Variants in CLNK observed in about 807,000 individuals in gnomAD.
CLNK encodes the protein cytokine-dependent hematopoietic cell linker.
Under a neutral mutation model 68.6 loss-of-function variants are expected in CLNK, and 74 were observed. That is an observed-to-expected ratio of 1.08 (90% confidence interval 0.89 to 1.31). The LOEUF is 1.31. CLNK is among the 50% of genes most tolerant of loss of function. The pLI is 0.00. For synonymous variants in CLNK, 198 were observed against 172.2 expected (o/e 1.15, Z -1.17); for missense variants, 553 against 515.3 (o/e 1.07, Z -0.71).
At chr4:10,703,010 A>G in the CLNK span, among the ~76,000 whole-genome samples, 1 of 152,144 alleles carries the variant, frequency 6.6e-6, no homozygotes, top group Non-Finnish European at 1.5e-5. Context: ...ATGTCATATG[A>G]GGTGCGTTTC....
intron 3 of CLNK, among the ~76,000 whole-genome samples, chr4:10,589,878 G>A (rs1721121718): frequency 6.6e-6 from 1 of 152,208 alleles, no homozygotes; most frequent in South Asian, 2.1e-4. Context: ...TTAGCAAGCT[G>A]CCTCTTGCCA....
chr4:10,549,782 A>G (rs765134376), intron 8 of CLNK, among the ~76,000 whole-genome samples: 1 of 152,236 alleles, frequency 6.6e-6, no homozygotes, highest in African/African-American at 2.4e-5. Flanking sequence ...GGACCCAAAC[A>G]GTTGTTCAAA....
rs57058868 is a variant in CLNK at position 10,539,682 on chromosome 4, A to C, written c.602+812T>G. Among the ~76,000 whole-genome samples, 1,240 of 152,364 alleles carry C rather than the reference A, an allele frequency of 8.1e-3. 17 individuals carry two copies. The highest frequency in any genetic ancestry group is 0.048 in the East Asian group (248 of 5,186). Reference sequence around the variant, plus strand: ...AAATGTCCCACACGTTTGGGAATGAAGAGCCATCATCAGTACTTAATATCA... The same window carrying C: ...AAATGTCCCACACGTTTGGGAATGACGAGCCATCATCAGTACTTAATATCA... On this transcript the variant is annotated intron_variant, in intron 11 of 18. Coordinates refer to ENST00000226951, the MANE Select transcript of CLNK (RefSeq NM_052964.4).
In CLNK at chr4:10,652,443, G is replaced by C. The variant is rs115415846; in HGVS notation, c.11+15416C>G. Among the ~76,000 whole-genome samples the C allele has an allele frequency of 3.4e-5, 5 of 146,860 alleles. No individual in the cohort carries two copies. The Admixed American group carries it at 3.4e-4, about 10-fold the overall frequency. On this transcript the variant is annotated intron_variant, in intron 2 of 18. Transcript: ENST00000226951. ...TCTGTTTCACTAGATTAAAAATTCTGTATGTTTTTTATAAGATATATACCA... is the reference window on the plus strand; with the variant it reads ...TCTGTTTCACTAGATTAAAAATTCTCTATGTTTTTTATAAGATATATACCA...
intron 2 of CLNK, among the ~76,000 whole-genome samples, chr4:10,651,196 G>A (rs561803343): frequency 2.3e-4 from 35 of 152,132 alleles, no homozygotes; most frequent in Admixed American, 1.7e-3. Context: ...TCCCATGACT[G>A]GGTATATACC....
intron 4 of CLNK, among the ~76,000 whole-genome samples, chr4:10,573,935 G>C (rs928775109): frequency 1.3e-5 from 2 of 151,986 alleles, no homozygotes; most frequent in African/African-American, 4.8e-5. Context: ...TTTTCTCTCT[G>C]ACTACTCCAG....
intron 8 of CLNK, among the ~76,000 whole-genome samples, chr4:10,543,181 T>C (rs369047039): frequency 6.6e-6 from 1 of 152,130 alleles, no homozygotes. Flanking sequence ...ATGAACAATC[T>C]GATAAGGATG....
intron 5 of CLNK, among the ~76,000 whole-genome samples, chr4:10,568,589 T>C (rs574730047): frequency 6.6e-6 from 1 of 152,154 alleles, no homozygotes; most frequent in Non-Finnish European, 1.5e-5. Flanking sequence ...GAAAGAGAGA[T>C]CTGGCAGAAG....
chr4:10,615,398 C>T (rs745895389), intron 2 of CLNK, among the ~76,000 whole-genome samples: 25 of 151,908 alleles, frequency 1.6e-4, no homozygotes, highest in Admixed American at 6.6e-5. Flanking sequence ...GAAGGAGAAT[C>T]GCTTGAAGGA....
chr4:10,698,228 A>G, the CLNK span, among the ~76,000 whole-genome samples: 1 of 152,128 alleles, frequency 6.6e-6, no homozygotes, highest in Non-Finnish European at 1.5e-5. Flanking sequence ...TACACTAGAT[A>G]ACATTAAAGA....
rs1464627489 is a variant in CLNK at position 10,654,392 on chromosome 4, T to G, written c.11+13467A>C. On this transcript the variant is annotated intron_variant, in intron 2 of 18. Transcript: ENST00000226951. ...TAAATATATATTGATTAAATATATA[T>G]ATATATATATAGAAAGTCTCTTGGC... Among the ~76,000 whole-genome samples the G allele has an allele frequency of 2.2e-5, 3 of 137,800 alleles. 1 individual carries two copies. The highest frequency in any genetic ancestry group is 7.6e-5 in the African/African-American group (3 of 39,228). The allele number at this position is 137,800 out of a possible 152,430, so 90.4% of individuals were successfully genotyped here. A position where few individuals can be genotyped will look rare whatever the true frequency, so the allele number is the denominator to read the frequency against.
chr4:10,652,381 CAAAAAAAAAA>C (rs67304153), intron 2 of CLNK, among the ~76,000 whole-genome samples: 2 of 50,742 alleles, frequency 3.9e-5, no homozygotes, highest in South Asian at 1.2e-3. Context: ...GACTCTGTCT[CAAAAAAAAAA>C]AAAAAAAAAA....
the CLNK span, among the ~76,000 whole-genome samples, chr4:10,699,942 A>C: frequency 6.6e-6 from 1 of 151,492 alleles, no homozygotes; most frequent in Non-Finnish European, 1.5e-5. Flanking sequence ...ATTTTCCTCT[A>C]ATATTTTTTA....
At chr4:10,682,224 T>G (rs1725121437) in intron 1 of CLNK, among the ~76,000 whole-genome samples, 2 of 152,112 alleles carry the variant, frequency 1.3e-5, no homozygotes, top group South Asian at 4.1e-4. Context: ...AATGTTTGGT[T>G]TAATCTGTTA....
At chr4:10,591,193 G>A (rs1721166102) in intron 3 of CLNK, among the ~76,000 whole-genome samples, 1 of 152,200 alleles carries the variant, frequency 6.6e-6, no homozygotes, top group African/African-American at 2.4e-5. Context: ...TTAGAACTGT[G>A]TCTCACAGAG....
intron 2 of CLNK, among the ~76,000 whole-genome samples, chr4:10,605,825 C>CAAAAAAAAAAAAAAAAAA (rs59881800): frequency 1.0e-5 from 1 of 100,386 alleles, no homozygotes; most frequent in Non-Finnish European, 1.9e-5. Flanking sequence ...AGACTCTGTC[C>CAAAAAAAAAAAAAAAAAA]AAAAAAAAAA....
Position 10,659,137 on chromosome 4 carries a change from G to A in CLNK, c.11+8722C>T, listed in dbSNP as rs144427090. ...GAGACTTTCTTGAACCCGGGAGAAG[G>A]TTGCAATGAGCTGAGATCGTGCTAC... On this transcript the variant is annotated intron_variant, in intron 2 of 18. Transcript: ENST00000226951. 1.9e-4 allele frequency among the ~76,000 whole-genome samples: 29 copies of A among 152,266 alleles called. No homozygotes were observed. The East Asian group carries it at 3.5e-3, about 18-fold the overall frequency.
chr4:10,581,947 A>G (rs1720799972), intron 4 of CLNK, among the ~76,000 whole-genome samples: 1 of 152,224 alleles, frequency 6.6e-6, no homozygotes, highest in Non-Finnish European at 1.5e-5. Flanking sequence ...AATTGGAATT[A>G]TCTTGTTAAA....
intron 8 of CLNK, among the ~76,000 whole-genome samples, chr4:10,551,658 A>G (rs115438407): frequency 0.041 from 6,216 of 152,264 alleles, 155 homozygotes; most frequent in Middle Eastern, 0.071. Context: ...GAAATAAAAC[A>G]TAAGTATAAT....
Sources: gnomAD v4.1 joint callset for allele counts (sites outside exome capture counted in the v4.1 genomes callset) on GRCh38, gnomAD v4.1.1 for gene constraint, MANE v1.5 for transcripts, NCBI Gene and HGNC (gene_info 2026-07-23, HGNC 2026-07-21) for gene names.